The following CDKL4 variants were observed in gnomAD, a reference collection of about 807,000 sequenced individuals.
CDKL4 encodes cyclin-dependent kinase-like 4.
A neutral mutation model predicts 42.0 loss-of-function variants in CDKL4; 44 were observed. The ratio of observed to expected loss-of-function variants is 1.05; its 90% CI spans 0.82 to 1.35. The LOEUF (loss-of-function observed/expected upper bound fraction) is 1.35, where lower values mean the gene tolerates loss of function less well. Ranked by LOEUF, CDKL4 falls within the 40% of genes most tolerant of loss-of-function variation. The pLI, the probability that CDKL4 is intolerant of heterozygous loss-of-function variation, is 0.00. For synonymous variants in CDKL4, 120 were observed against 121.6 expected (o/e 0.99, Z 0.09); for missense variants, 393 against 369.9 (o/e 1.06, Z -0.51).
chr2:39,226,455 A>T lies in CDKL4; in HGVS notation c.169-495T>A, dbSNP rs1367161568. The stretch of plus-strand genomic sequence containing the variant: ...TATAAATTATATATATTATATATAT[A>T]TTATATATATTATATATATATAATA... On this transcript the variant is annotated intron_variant, in intron 2 of 9. Transcript: ENST00000451199. Among the ~76,000 whole-genome samples, 43 of 130,514 alleles carry T rather than the reference A, an allele frequency of 3.3e-4. 1 individual carries two copies. Among genetic ancestry groups the T allele is most frequent in the African/African-American group, 1.2e-3 (42 of 34,564 alleles). The allele number at this position is 130,514 out of a possible 152,430, so 85.6% of individuals were successfully genotyped here. A position where few individuals can be genotyped will look rare whatever the true frequency, so the allele number is the denominator to read the frequency against.
intron 5 of CDKL4, among the ~76,000 whole-genome samples, chr2:39,197,561 A>G (rs1676592308): frequency 6.6e-6 from 1 of 152,160 alleles, no homozygotes; most frequent in Non-Finnish European, 1.5e-5. Context: ...AATCAAGACA[A>G]AGGAAAGAAT....
intron 5 of CDKL4, among the ~76,000 whole-genome samples, chr2:39,193,024 A>T (rs2148308878): frequency 6.7e-6 from 1 of 149,092 alleles, no homozygotes; most frequent in Admixed American, 6.7e-5. Flanking sequence ...GCTACATGGG[A>T]GGGTGAGGCA....
intron 6 of CDKL4, among the ~76,000 whole-genome samples, chr2:39,189,819 C>A (rs990036709): frequency 6.6e-6 from 1 of 152,216 alleles, no homozygotes; most frequent in Non-Finnish European, 1.5e-5. Context: ...TTTTGCACTA[C>A]AATAGCAGAG....
In CDKL4 at chr2:39,240,647, G is replaced by C. The variant is rs111532470; in HGVS notation, c.-57+3224C>G. Among the ~76,000 whole-genome samples the C allele has an allele frequency of 3.1e-3, 434 of 140,262 alleles. 4 individuals are homozygous for C. The highest frequency in any genetic ancestry group is 3.5e-3 in the Non-Finnish European group (226 of 64,706). 92.0% of individuals were successfully genotyped at this position (140,262 alleles called of 152,430 possible). ...CGAAATACTATTCAGCAACAAAAAG[G>C]AATGAACTTGCTATAATGTAGATGA... On this transcript the variant is annotated intron_variant, in intron 1 of 9. Coordinates refer to ENST00000451199, the Ensembl canonical transcript of CDKL4.
At chr2:39,184,444 A>G in intron 8 of CDKL4, 147 bp downstream of exon 8, 3 of 584,128 alleles carry the variant, frequency 5.1e-6, no homozygotes, top group Non-Finnish European at 9.2e-6. Flanking sequence ...TGTCCCTTTA[A>G]CTGGAATTGT....
upstream of CDKL4, among the ~76,000 whole-genome samples, chr2:39,246,853 C>G (rs1044587949): frequency 6.6e-6 from 1 of 152,166 alleles, no homozygotes; most frequent in Non-Finnish European, 1.5e-5. Flanking sequence ...AAGTGATTCT[C>G]TTGCCTCAGC....
At chr2:39,233,292 A>G (rs1246242467) in intron 1 of CDKL4, among the ~76,000 whole-genome samples, 1 of 152,154 alleles carries the variant, frequency 6.6e-6, no homozygotes, top group Non-Finnish European at 1.5e-5. Flanking sequence ...GTCCTGGTAG[A>G]TCAGAACACT....
At chr2:39,169,091 C>G in the CDKL4 span, among the ~76,000 whole-genome samples, 105 of 152,246 alleles carry the variant, frequency 6.9e-4, 1 homozygote, top group African/African-American at 2.4e-3. Flanking sequence ...GTACACAATT[C>G]AGATATATCT....
chr2:39,193,466 C>A (rs181912688), intron 5 of CDKL4, among the ~76,000 whole-genome samples: 30 of 151,874 alleles, frequency 2.0e-4, no homozygotes, highest in African/African-American at 7.2e-4. Flanking sequence ...ACCTCCACCT[C>A]CCGGGTACAT....
intron 7 of CDKL4, 50 bp from the exon 8 acceptor site, chr2:39,184,697 T>C (rs764778533): frequency 1.4e-5 from 17 of 1,253,074 alleles, no homozygotes; most frequent in Non-Finnish European, 2.0e-5. Context: ...CAAAGTAATA[T>C]GTGTGTGTAT....
chr2:39,242,089 A>T (rs1057282569), intron 1 of CDKL4, among the ~76,000 whole-genome samples: 1 of 150,236 alleles, frequency 6.7e-6, no homozygotes, highest in African/African-American at 2.5e-5. Context: ...TCTGTCACTC[A>T]GGCTGGAGTG....
At chr2:39,176,801 A>T (rs1287698627) in intron 9 of CDKL4, among the ~76,000 whole-genome samples, 1 of 152,216 alleles carries the variant, frequency 6.6e-6, no homozygotes, top group East Asian at 1.9e-4. Flanking sequence ...ATCAAATTTA[A>T]ACATTATTTA....
intron 9 of CDKL4, among the ~76,000 whole-genome samples, chr2:39,177,823 G>T (rs1396049757): frequency 6.6e-6 from 1 of 151,328 alleles, no homozygotes; most frequent in Non-Finnish European, 1.5e-5. Context: ...CAAGGAGCTG[G>T]GATTACAGGC....
At chr2:39,175,814 A>T in exon 10 of CDKL4, 1 of 263,394 alleles carries the variant, frequency 3.8e-6, no homozygotes, top group Non-Finnish European at 7.2e-6. Context: ...AAAATATTCT[A>T]AAAGATAAAG....
intron 3 of CDKL4, among the ~76,000 whole-genome samples, chr2:39,219,110 A>G (rs1678142476): frequency 6.6e-6 from 1 of 152,184 alleles, no homozygotes; most frequent in African/African-American, 2.4e-5. Flanking sequence ...AGCACCTAGA[A>G]CAGGACCTGG....
chr2:39,217,488 T>C (rs1047648327), intron 3 of CDKL4, among the ~76,000 whole-genome samples: 1 of 152,148 alleles, frequency 6.6e-6, no homozygotes, highest in African/African-American at 2.4e-5. Context: ...GGAAGCTTGA[T>C]TTCATTATTA....
chr2:39,218,888 A>C (rs72921021), intron 3 of CDKL4, among the ~76,000 whole-genome samples: 5,154 of 152,254 alleles, frequency 0.034, 293 homozygotes, highest in African/African-American at 0.12. Context: ...AGTCAATACC[A>C]ATAATAAATT....
chr2:39,222,062 G>A (rs1044778850), intron 3 of CDKL4, among the ~76,000 whole-genome samples: 2 of 152,122 alleles, frequency 1.3e-5, no homozygotes, highest in Non-Finnish European at 2.9e-5. Context: ...TTTTTTGAGC[G>A]AAAGAATGCT....
intron 3 of CDKL4, among the ~76,000 whole-genome samples, chr2:39,214,467 C>T (rs936280239): frequency 2.6e-5 from 4 of 152,132 alleles, no homozygotes; most frequent in Non-Finnish European, 5.9e-5. Flanking sequence ...TACTTAGTCT[C>T]TATTGATGAG....
Sources: gnomAD v4.1 joint callset for allele counts (sites outside exome capture counted in the v4.1 genomes callset) on GRCh38, gnomAD v4.1.1 for gene constraint, MANE v1.5 for transcripts, NCBI Gene and HGNC (gene_info 2026-07-23, HGNC 2026-07-21) for gene names.